Variants in DMD observed in about 807,000 individuals in gnomAD.
DMD encodes mutant dystrophin.
DMD carries 63 observed loss-of-function variants against 330.1 expected under a neutral mutation model. The ratio of observed to expected loss-of-function variants is 0.19; its 90% CI spans 0.16 to 0.24. DMD has a LOEUF of 0.24. Ranked by LOEUF, DMD falls within the 10% of genes least tolerant of loss-of-function variation. DMD has a pLI of 1.00. For missense variants in DMD, 3,344 were observed against 2,684.1 expected (o/e 1.25, Z -5.43); for synonymous variants, 1,223 against 959.8 (o/e 1.27, Z -5.07).
At chrX:31,126,708 C>T (rs1480646602) in intron 77 of DMD, 35 bp from the exon 78 acceptor site, 2 of 1,061,570 alleles carry the variant, frequency 1.9e-6, no homozygotes, top group Non-Finnish European at 2.6e-6. Flanking sequence ...GCAGAGATAT[C>T]AGAAAGGGAA....
At chrX:32,452,871 T>A (rs769205043) in intron 26 of DMD, among the ~76,000 whole-genome samples, 1 of 111,262 alleles carries the variant, frequency 9.0e-6, no homozygotes, top group Non-Finnish European at 1.9e-5. Flanking sequence ...GGTAATTTTA[T>A]CCCATTTTCC....
At chrX:32,501,518 T>G (rs1177357611) in intron 19 of DMD, among the ~76,000 whole-genome samples, 1 of 111,910 alleles carries the variant, frequency 8.9e-6, no homozygotes, top group African/African-American at 3.2e-5. Flanking sequence ...TTTATTTCTC[T>G]GCTACAGACT....
intron 44 of DMD, among the ~76,000 whole-genome samples, chrX:32,004,859 G>T (rs2095650541): frequency 1.8e-5 from 2 of 111,082 alleles, no homozygotes; most frequent in Non-Finnish European, 3.8e-5. Flanking sequence ...AATTAAATTG[G>T]TTCTTGCTCA....
At chrX:32,874,816 G>A (rs1419804275) in intron 2 of DMD, among the ~76,000 whole-genome samples, 3 of 111,366 alleles carry the variant, frequency 2.7e-5, no homozygotes, top group African/African-American at 9.8e-5. Context: ...TGACTACCCT[G>A]AAACCACCAT....
At chrX:32,305,395 A>T (rs1315998851) in intron 42 of DMD, among the ~76,000 whole-genome samples, 1 of 111,278 alleles carries the variant, frequency 9.0e-6, no homozygotes, top group Non-Finnish European at 1.9e-5. Context: ...CTCTCAAGGG[A>T]TCTTCTGCTA....
chrX:33,174,964 A>G (rs907560721), intron 1 of DMD, among the ~76,000 whole-genome samples: 4 of 112,041 alleles, frequency 3.6e-5, no homozygotes, highest in Non-Finnish European at 5.6e-5. Flanking sequence ...CAGTTTTTCA[A>G]AATGCCATTG....
intron 55 of DMD, among the ~76,000 whole-genome samples, chrX:31,542,972 A>G (rs1187591667): frequency 9.0e-6 from 1 of 111,264 alleles, no homozygotes; most frequent in East Asian, 2.8e-4. Flanking sequence ...CTGCTGTTAC[A>G]TGTGGCCACA....
chrX:32,362,988 G>T (rs370455035), intron 36 of DMD, 30 bp from the exon 37 acceptor site: 339 of 1,174,935 alleles, frequency 2.9e-4, no homozygotes, highest in Non-Finnish European at 3.7e-4. Flanking sequence ...GATAGGACTT[G>T]AAGTTAGTAA....
chrX:32,917,109 T>A (rs1177213237), intron 2 of DMD, among the ~76,000 whole-genome samples: 1 of 109,508 alleles, frequency 9.1e-6, no homozygotes, highest in African/African-American at 3.3e-5. Context: ...ACTTTTCTTG[T>A]GATAGTGAGT....
intron 43 of DMD, among the ~76,000 whole-genome samples, chrX:32,283,357 A>C (rs2097427774): frequency 8.9e-6 from 1 of 111,875 alleles, no homozygotes; most frequent in African/African-American, 3.3e-5. Context: ...TGTACCATTT[A>C]AGAAAAATAC....
intron 39 of DMD, among the ~76,000 whole-genome samples, chrX:32,344,179 T>C (rs1265905013): frequency 8.9e-6 from 1 of 112,178 alleles, no homozygotes; most frequent in Non-Finnish European, 1.9e-5. Flanking sequence ...AAGCTCTGCA[T>C]GCAGCTTTCA....
intron 44 of DMD, among the ~76,000 whole-genome samples, chrX:32,068,607 A>G (rs749324550): frequency 3.6e-5 from 4 of 110,293 alleles, no homozygotes; most frequent in Non-Finnish European, 5.7e-5. Context: ...ATTCTGTTCT[A>G]TTGGTCTATG....
chrX:32,716,780 G>A (rs1219585578), intron 7 of DMD, among the ~76,000 whole-genome samples: 1 of 111,260 alleles, frequency 9.0e-6, no homozygotes, highest in East Asian at 2.8e-4. Flanking sequence ...AGATGAAGAT[G>A]AGGAACTTAT....
intron 1 of DMD, among the ~76,000 whole-genome samples, chrX:33,059,829 T>C (rs2148067079): frequency 8.9e-6 from 1 of 111,982 alleles, no homozygotes; most frequent in South Asian, 3.7e-4. Flanking sequence ...TTTTTAAAAA[T>C]CATATGTACC....
intron 59 of DMD, among the ~76,000 whole-genome samples, chrX:31,477,471 C>A (rs756247547): frequency 9.0e-6 from 1 of 111,463 alleles, no homozygotes; most frequent in African/African-American, 3.3e-5. Flanking sequence ...AAATGATACT[C>A]CTAAATATGT....
intron 60 of DMD, among the ~76,000 whole-genome samples, chrX:31,367,624 T>C (rs370588666): frequency 8.9e-6 from 1 of 111,833 alleles, no homozygotes; most frequent in Non-Finnish European, 1.9e-5. Flanking sequence ...TTAACATGTA[T>C]TGAGTGCGTG....
At chrX:32,756,057 G>A (rs1407267241) in intron 7 of DMD, 2 of 112,030 alleles carry the variant, frequency 1.8e-5, no homozygotes, top group Non-Finnish European at 3.8e-5. Context: ...GCTTTGTTTT[G>A]TTATTGAATA....
chrX:32,010,797 T>C (rs1297716029), intron 44 of DMD, among the ~76,000 whole-genome samples: 9 of 112,089 alleles, frequency 8.0e-5, no homozygotes, highest in Non-Finnish European at 1.7e-4. Context: ...TAATAATTGC[T>C]TGTTTACTTG....
At chrX:31,981,476 TAGA>T (rs1276139146) in intron 44 of DMD, among the ~76,000 whole-genome samples, 1 of 111,177 alleles carries the variant, frequency 9.0e-6, no homozygotes, top group Non-Finnish European at 1.9e-5. Flanking sequence ...GGGCAAATAT[TAGA>T]AGAACAATAT....
Sources: gnomAD v4.1 joint callset for allele counts (sites outside exome capture counted in the v4.1 genomes callset) on GRCh38, gnomAD v4.1.1 for gene constraint, MANE v1.5 for transcripts, NCBI Gene and HGNC (gene_info 2026-07-23, HGNC 2026-07-21) for gene names.